FBN3: variants seen among roughly 807,000 people sequenced by gnomAD.
FBN3 encodes fibrillin 3.
Under a neutral mutation model 330.1 loss-of-function variants are expected in FBN3, and 234 were observed. That is an observed-to-expected ratio of 0.71 (90% CI 0.64 to 0.79). FBN3 has a LOEUF of 0.79. Ranked by LOEUF, FBN3 falls within the 30% of genes least tolerant of loss-of-function variation. The pLI, the probability that FBN3 is intolerant of heterozygous loss-of-function variation, is 0.00. For missense variants in FBN3, 3,606 were observed against 3,886.9 expected (o/e 0.93, Z 1.92); for synonymous variants, 1,458 against 1,517.3 (o/e 0.96, Z 0.91).
intron 30 of FBN3, among the ~76,000 whole-genome samples, chr19:8,113,762 T>TG (rs1277546587): frequency 7.1e-6 from 1 of 140,136 alleles, no homozygotes; most frequent in African/African-American, 2.7e-5. Context: ...CCCAACAAAT[T>TG]GGGAGGCCGA....
At chr19:8,132,244 C>T (rs1258086796) in intron 14 of FBN3, among the ~76,000 whole-genome samples, 1 of 152,082 alleles carries the variant, frequency 6.6e-6, no homozygotes, top group African/African-American at 2.4e-5. Flanking sequence ...GACGGAGTCT[C>T]ATCATGTTGC....
intron 41 of FBN3, among the ~76,000 whole-genome samples, chr19:8,098,627 CTGTGATGAAAATGTTCTTTTTG>C (rs1381247928): frequency 2.0e-5 from 3 of 151,482 alleles, no homozygotes; most frequent in African/African-American, 7.3e-5. Context: ...CAATGGGGGA[CTGTGATGAAAATGTTCTTTTTG>C]TGTGATGAAA....
intron 46 of FBN3, among the ~76,000 whole-genome samples, 162 bp from the exon 47 acceptor site, chr19:8,094,727 G>A (rs796706249): frequency 5.3e-5 from 8 of 152,324 alleles, no homozygotes; most frequent in African/African-American, 1.2e-4. Context: ...GACTCAGGAC[G>A]ACAGGGACAG....
chr19:8,089,778 A>C, intron 50 of FBN3, 108 bp from the exon 51 acceptor site: 1 of 1,559,292 alleles, frequency 6.4e-7, no homozygotes, highest in Non-Finnish European at 8.7e-7. Context: ...CCAGGCTGGC[A>C]GGGTCCAGGG....
At chr19:8,139,026 C>G (rs941336269) in intron 8 of FBN3, among the ~76,000 whole-genome samples, 3 of 151,884 alleles carry the variant, frequency 2.0e-5, no homozygotes, top group African/African-American at 7.2e-5. Flanking sequence ...TGCACTCCGG[C>G]CTGGGCAACA....
In FBN3 at chr19:8,129,198, G is replaced by A. The variant is rs748395185; in HGVS notation, c.2170+42C>T. The A allele has an allele frequency of 1.9e-6, 3 of 1,612,478 alleles. No individual in the cohort carries two copies. The highest frequency in any genetic ancestry group is 2.5e-6 in the Non-Finnish European group (3 of 1,179,218). On this transcript the variant is annotated intron_variant, in intron 17 of 63. Transcript: ENST00000600128. The surrounding 1 kb of genome is among the most constrained non-coding windows in gnomAD (Gnocchi z 4.5). ...GAGAGGGGTGAGGGGTCTGCAGTGG[G>A]AGAGGCTGCCCACACATCCGCCCGC...
At position 8,144,864 on chromosome 19, in the gene FBN3, G is replaced by A. The variant is rs775245191; in HGVS notation, c.541+13C>T. On this transcript the variant is annotated intron_variant, in intron 6 of 63. Coordinates refer to ENST00000600128, the MANE Select transcript of FBN3 (RefSeq NM_032447.5). ...AGTCCCCTGTCTACCTCCCACCCGC[G>A]CATGCTTGGTACCTCTCTCACATTG... is the stretch of plus-strand genomic sequence containing the variant. 8 of 1,586,012 alleles carry A rather than the reference G, an allele frequency of 5.0e-6. No homozygotes were observed. Among genetic ancestry groups the A allele is most frequent in the South Asian group, 4.6e-5 (4 of 87,198 alleles).
chr19:8,126,305 G>A lies in FBN3; in HGVS notation c.2597C>T (p.Thr866Ile), dbSNP rs764079679. The A allele has an allele frequency of 8.2e-6, 13 of 1,588,242 alleles. No individual in the cohort carries two copies. Among genetic ancestry groups the A allele is most frequent in the South Asian group, 2.3e-5 (2 of 86,816 alleles). Residue 866 changes from threonine to isoleucine, a missense_variant, in exon 21 of 64, where the codon ACC (threonine) becomes ATC (isoleucine). Transcript: ENST00000600128. ...ARGFARMTGVTCDDVNECESF... is the reference protein window; with the variant it reads ...ARGFARMTGVICDDVNECESF... ...CACGGGCAGGCAGTTACCATCGCAGGTGACACCCGTCATCCGGGCAAAGCC... is the reference window on the plus strand; with the variant it reads ...CACGGGCAGGCAGTTACCATCGCAGATGACACCCGTCATCCGGGCAAAGCC...
chr19:8,081,449 T>C lies in FBN3; in HGVS notation c.7245A>G (p.Pro2415=). The change falls in exon 58 of 64, where the codon CCA becomes CCG. Residue 2415 remains proline (P), a synonymous_variant. Coordinates refer to ENST00000600128, the MANE Select transcript of FBN3 (RefSeq NM_032447.5). ...DMDECSQVPK[P]CTFLCKNTKG... is the part of the protein sequence containing the mutation. ...TCGTGTTTTTGCAGAGGAAGGTACA[T>C]GGCTTGGGGACCTGGCTGCACTCAT... is the stretch of plus-strand genomic sequence containing the variant. The C allele has an allele frequency of 1.2e-6, 2 of 1,611,810 alleles. No homozygotes were observed. The highest frequency in any genetic ancestry group is 1.1e-5 in the South Asian group (1 of 90,728).
chr19:8,067,887 A>C (rs1307277119), intron 63 of FBN3, among the ~76,000 whole-genome samples: 3 of 151,164 alleles, frequency 2.0e-5, no homozygotes, highest in Non-Finnish European at 4.4e-5. Context: ...ACCTGGTGAA[A>C]CTCTGTCTCT....
chr19:8,066,444 C>A lies in FBN3; in HGVS notation c.8089-184G>T, dbSNP rs1233220229. 3.9e-5 allele frequency among the ~76,000 whole-genome samples: 6 copies of A among 152,152 alleles called. No individual in the cohort carries two copies. In the South Asian group the frequency reaches 8.3e-4, roughly 21 times the overall value. On this transcript the variant is annotated intron_variant, in intron 63 of 63. Coordinates refer to ENST00000600128, the MANE Select transcript of FBN3 (RefSeq NM_032447.5). ...CGTGGATGCAGCTGGAGGTCATTAT[C>A]CTAAGCTAATTAATGCAGAAACAGA...
rs376368162 is a variant in FBN3, at chr19:8,121,525, G to C, written c.3083-139C>G. ...AGACATAAGGAGGCACAGGCCAAGA[G>C]GGGAGGCATGATGCAGGCATGATGG... On this transcript the variant is annotated intron_variant, in intron 24 of 63. Coordinates refer to ENST00000600128, the MANE Select transcript of FBN3 (RefSeq NM_032447.5). This position sits in a 1 kb window ranked among gnomAD's most constrained non-coding sequence, Gnocchi z 4.5. The C allele has an allele frequency of 1.3e-6, 1 of 784,748 alleles. No homozygotes were observed. The highest frequency in any genetic ancestry group is 1.9e-6 in the Non-Finnish European group (1 of 526,060). 48.6% of individuals were successfully genotyped at this position (784,748 alleles called of 1,614,324 possible). A position where few individuals can be genotyped will look rare whatever the true frequency, so the allele number is the denominator to read the frequency against.
intron 8 of FBN3, among the ~76,000 whole-genome samples, chr19:8,141,244 G>C (rs2083406515): frequency 6.7e-6 from 1 of 148,814 alleles, no homozygotes; most frequent in African/African-American, 2.5e-5. Flanking sequence ...GCGTGCGCCT[G>C]TACTCCCAGC....
chr19:8,104,331 C>T (rs1320695855), intron 38 of FBN3, among the ~76,000 whole-genome samples: 1 of 151,772 alleles, frequency 6.6e-6, no homozygotes, highest in Non-Finnish European at 1.5e-5. Flanking sequence ...TTTAGCTGGG[C>T]ATGGTGGCAC....
At chr19:8,086,095 A>G (rs2081946143) in intron 55 of FBN3, 105 bp downstream of exon 55, 1 of 462,174 alleles carries the variant, frequency 2.2e-6, no homozygotes, top group African/African-American at 4.9e-5. Flanking sequence ...AGGGACAGGG[A>G]GTGAAGGGGG....
intron 41 of FBN3, among the ~76,000 whole-genome samples, chr19:8,099,886 T>C (rs1040277713): frequency 6.6e-6 from 1 of 151,514 alleles, no homozygotes; most frequent in African/African-American, 2.4e-5. Context: ...GGCAGGTGCC[T>C]ATAATCTCAG....
chr19:8,141,194 CAAAAAAA>C (rs56060033), intron 8 of FBN3, among the ~76,000 whole-genome samples: 1 of 54,354 alleles, frequency 1.8e-5, no homozygotes, highest in Non-Finnish European at 3.3e-5. Context: ...GACTCCGTCT[CAAAAAAA>C]AAAAAAAAAA....
intron 6 of FBN3, among the ~76,000 whole-genome samples, chr19:8,143,474 G>A (rs959146119): frequency 2.0e-5 from 3 of 148,872 alleles, no homozygotes; most frequent in East Asian, 2.0e-4. Context: ...CACTGTGTCC[G>A]TTCTCCTTTT....
rs546328563 is a variant in FBN3, at chr19:8,094,594, T to C, written c.5786-29A>G. 1.9e-6 allele frequency: 3 copies of C among 1,603,572 alleles called. No individual in the cohort carries two copies. In the African/African-American group the frequency reaches 4.0e-5, roughly 21 times the overall value. ...TGAAAAGGAGGAAGAAAGGTCCTTG[T>C]GCCAGCCAGGATGCAGGGGGCTCAC... On this transcript the variant is annotated intron_variant, in intron 46 of 63. Coordinates refer to ENST00000600128, the MANE Select transcript of FBN3 (RefSeq NM_032447.5).
Sources: allele counts gnomAD v4.1 joint callset (sites outside exome capture counted in the v4.1 genomes callset), GRCh38; gene constraint gnomAD v4.1.1; non-coding constraint Gnocchi (gnomAD v3.1); transcripts MANE v1.5; gene names NCBI Gene and HGNC (gene_info 2026-07-23, HGNC 2026-07-21).